Variants in ERAP1 observed in about 807,000 individuals in gnomAD.
ERAP1 encodes adipocyte-derived leucine aminopeptidase.
In ERAP1, 86 loss-of-function variants were observed where a neutral mutation model predicts 103.7. The observed-to-expected ratio is 0.83, with a 90% CI of 0.70 to 0.99. The LOEUF (loss-of-function observed/expected upper bound fraction) is 0.99, where lower values mean the gene tolerates loss of function less well. ERAP1 is among the 50% of genes least tolerant of loss of function. The probability of loss-of-function intolerance (pLI) is 0.00; values close to 1 mark genes in which losing one functional copy is unlikely to be tolerated. For missense variants in ERAP1, 1,009 were observed against 1,128.4 expected (o/e 0.89, Z 1.52); for synonymous variants, 398 against 402.4 (o/e 0.99, Z 0.13).
At position 96,783,165 on chromosome 5, in the gene ERAP1, T is replaced by C; in HGVS notation, c.2171A>G (p.Glu724Gly). Residue 724 changes from glutamate to glycine, a missense_variant, in exon 15 of 19, where the codon GAG (glutamate) becomes GGG (glycine). Physicochemically the swap from Glu to Gly is moderately conservative, Grantham distance 98. Around this residue, in one of 3 missense-constraint regions of ERAP1, gnomAD observed 611 missense variants for 651.7 expected, o/e 0.94. Transcript: ENST00000443439. ...TAGTAGTTGACTCCGCAGCATTCGC[T>C]CTGAGACTGAGCCCTCGTCTGTCCA... Reference protein sequence around the residue: ...QTWTDEGSVSERMLRSQLLLL... With the variant: ...QTWTDEGSVSGRMLRSQLLLL... 3 of 1,614,210 alleles carry C rather than the reference T, an allele frequency of 1.9e-6. No homozygotes were observed. Among genetic ancestry groups the C allele is most frequent in the Non-Finnish European group, 2.5e-6 (3 of 1,180,030 alleles).
At chr5:96,902,622 C>A in the ERAP1 span, 1 of 288,278 alleles carries the variant, frequency 3.5e-6, no homozygotes, top group Non-Finnish European at 6.5e-6. Flanking sequence ...TCTTATAATA[C>A]CCACTAATCT....
chr5:96,817,680 C>T, the ERAP1 span, among the ~76,000 whole-genome samples: 2 of 152,256 alleles, frequency 1.3e-5, no homozygotes, highest in East Asian at 3.8e-4. Flanking sequence ...AACTGCTTCT[C>T]TTGCCATGAT....
the ERAP1 span, among the ~76,000 whole-genome samples, chr5:96,895,908 A>G: frequency 1.3e-5 from 2 of 152,334 alleles, no homozygotes; most frequent in African/African-American, 4.8e-5. Flanking sequence ...AGTCCAGTAC[A>G]CTATAGACAG....
chr5:96,766,938 AGTAT>A (rs2150739135), intron 19 of ERAP1, among the ~76,000 whole-genome samples: 1 of 152,322 alleles, frequency 6.6e-6, no homozygotes, highest in South Asian at 2.1e-4. Flanking sequence ...GCTTGCATTC[AGTAT>A]TCCTCAAGAT....
rs775671713 is a variant in ERAP1, at chr5:96,796,800, CTTTG to C, written c.798+371_798+374del. The stretch of plus-strand genomic sequence containing the variant: ...CCAGGATTTTGGTATTTGGTTTTGT[CTTTG>C]TTTGTTTGTTTAGAGACATGGTTTT... On this transcript the variant is annotated intron_variant, in intron 4 of 18. Coordinates refer to ENST00000443439, the MANE Select transcript of ERAP1 (RefSeq NM_001040458.3). 7.9e-5 allele frequency among the ~76,000 whole-genome samples: 12 copies of C among 152,166 alleles called. 1 individual carries two copies. Among genetic ancestry groups the C allele is most frequent in the South Asian group, 6.2e-4 (3 of 4,820 alleles).
At chr5:96,930,922 G>A in the ERAP1 span, among the ~76,000 whole-genome samples, 192 of 152,298 alleles carry the variant, frequency 1.3e-3, no homozygotes, top group Non-Finnish European at 1.9e-3. Context: ...AGAACTAGTC[G>A]TGGTTTTTTA....
intron 19 of ERAP1, among the ~76,000 whole-genome samples, chr5:96,763,428 G>T (rs1768726568): frequency 6.6e-6 from 1 of 152,182 alleles, no homozygotes; most frequent in African/African-American, 2.4e-5. Context: ...CAGAAAGGAA[G>T]AATCATTAAT....
At chr5:96,920,852 G>C in the ERAP1 span, among the ~76,000 whole-genome samples, 1 of 152,174 alleles carries the variant, frequency 6.6e-6, no homozygotes, top group African/African-American at 2.4e-5. Flanking sequence ...TGAAAGAAGT[G>C]GCTTTACTAG....
At chr5:96,877,920 T>C in the ERAP1 span, among the ~76,000 whole-genome samples, 1 of 152,210 alleles carries the variant, frequency 6.6e-6, no homozygotes, top group African/African-American at 2.4e-5. Flanking sequence ...TATTGCAAAT[T>C]GAAAAATTGA....
At position 96,785,850 on chromosome 5, in the gene ERAP1, TG is replaced by T; in HGVS notation, c.1880del (p.Thr627AsnfsTer38). 1 of 1,614,222 alleles carries T rather than the reference TG, an allele frequency of 6.2e-7. No individual in the cohort carries two copies. The highest frequency in any genetic ancestry group is 8.5e-7 in the Non-Finnish European group (1 of 1,180,032). ...WDSLTGLLKGTHTAVSSNDRA... is the reference protein window; with the variant it reads ...WDSLTGLLKGXHTAVSSNDRA... ...GATCATTACTGCTGACTGCTGTGTGTGTTCCTTTTAAAAGGCCAGTCAAAGA... is the reference window on the plus strand; with the variant it reads ...GATCATTACTGCTGACTGCTGTGTGTTTCCTTTTAAAAGGCCAGTCAAAGA... On this transcript the variant is annotated frameshift_variant, in exon 13 of 19. Transcript: ENST00000443439. LOFTEE classifies it high-confidence loss of function.
the ERAP1 span, chr5:96,910,031 C>G: frequency 3.4e-6 from 1 of 291,608 alleles, no homozygotes; most frequent in Non-Finnish European, 6.7e-6. Flanking sequence ...TTTGGGAGGC[C>G]AAGGAGGGTG....
At chr5:96,874,869 A>G in the ERAP1 span, among the ~76,000 whole-genome samples, 2 of 152,254 alleles carry the variant, frequency 1.3e-5, no homozygotes, top group Non-Finnish European at 2.9e-5. Flanking sequence ...CTGCAACATG[A>G]TAAGAGCTAA....
At chr5:96,865,528 T>C in the ERAP1 span, among the ~76,000 whole-genome samples, 1 of 152,230 alleles carries the variant, frequency 6.6e-6, no homozygotes, top group Non-Finnish European at 1.5e-5. Flanking sequence ...TAGTTAATTG[T>C]TCTCTACAAG....
At position 96,776,381 on chromosome 5, in the gene ERAP1, G is replaced by C. The variant is rs1178795870; in HGVS notation, c.*15C>G. 6.2e-7 allele frequency: 1 copy of C among 1,601,730 alleles called. No individual in the cohort carries two copies. The highest frequency in any genetic ancestry group is 1.7e-5 in the Admixed American group (1 of 58,394). On this transcript the variant is annotated 3_prime_UTR_variant, in exon 19 of 19. Transcript: ENST00000443439. ...GGTGATTAGAGATAACAGGAACCTG[G>C]CAAGGGAGGAATTTTTACATACGTT...
the ERAP1 span, among the ~76,000 whole-genome samples, chr5:96,914,148 T>TCACACACACACACACACACACA: frequency 1.1e-4 from 17 of 148,082 alleles, no homozygotes; most frequent in Middle Eastern, 3.5e-3. Flanking sequence ...TCTCTCTCTC[T>TCACACACACACACACACACACA]CACACACACA....
chr5:96,795,016 G>A (rs1777186985), intron 5 of ERAP1, 26 bp downstream of exon 5: 3 of 1,613,084 alleles, frequency 1.9e-6, no homozygotes, highest in South Asian at 1.1e-5. Flanking sequence ...CAAATGTCAT[G>A]TGTAATATCT....
Position 96,797,156 on chromosome 5 carries a change from G to C in ERAP1, c.798+19C>G. The C allele has an allele frequency of 6.2e-7, 1 of 1,613,980 alleles. No individual in the cohort carries two copies. The highest frequency in any genetic ancestry group is 1.7e-5 in the Admixed American group (1 of 60,020). ...AACCAGAACAAGCTGGTCACCATAT[G>C]TGACAGTCATAGGCTCACCTTGACT... On this transcript the variant is annotated intron_variant, in intron 4 of 18. Coordinates refer to ENST00000443439, the MANE Select transcript of ERAP1 (RefSeq NM_001040458.3).
At chr5:96,765,719 T>C (rs774862047) in intron 19 of ERAP1, among the ~76,000 whole-genome samples, 1 of 152,132 alleles carries the variant, frequency 6.6e-6, no homozygotes. Context: ...AGTGAAACCA[T>C]ACAGAAAAAA....
chr5:96,906,130 G>T, the ERAP1 span, among the ~76,000 whole-genome samples: 2 of 151,898 alleles, frequency 1.3e-5, no homozygotes, highest in South Asian at 2.1e-4. Flanking sequence ...ACAAGACATT[G>T]TCATCCAAGG....
Sources: allele counts gnomAD v4.1 joint callset (sites outside exome capture counted in the v4.1 genomes callset), GRCh38; gene constraint gnomAD v4.1.1; regional missense constraint gnomAD v4.1.1; transcripts MANE v1.5; gene names NCBI Gene and HGNC (gene_info 2026-07-23, HGNC 2026-07-21).